Variants in SCAPER observed in about 807,000 individuals in gnomAD.
SCAPER encodes S phase cyclin A-associated protein in the endoplasmic reticulum.
Under a neutral mutation model 182.2 loss-of-function variants are expected in SCAPER, and 98 were observed. That is an observed-to-expected ratio of 0.54 (90% CI 0.46 to 0.64). The LOEUF (loss-of-function observed/expected upper bound fraction) is 0.64, where lower values mean the gene tolerates loss of function less well. Among genes scored for constraint, SCAPER ranks in the 30% least tolerant of loss-of-function variants. The pLI is 0.00. For synonymous variants in SCAPER, 605 were observed against 564.6 expected (o/e 1.07, Z -1.01); for missense variants, 1,432 against 1,690.0 (o/e 0.85, Z 2.68).
At position 76,348,529 on chromosome 15, in the gene SCAPER, A is replaced by G; in HGVS notation, c.*104T>C. On this transcript the variant is annotated 3_prime_UTR_variant, in exon 32 of 32. Coordinates refer to ENST00000563290, the MANE Select transcript of SCAPER (RefSeq NM_020843.4). ...CATGCCATATCTACAGTGTGGGAAGAGTATAAACATGGGAAAATGAGTTCT... is the reference window on the plus strand; with the variant it reads ...CATGCCATATCTACAGTGTGGGAAGGGTATAAACATGGGAAAATGAGTTCT... The G allele has an allele frequency of 1.4e-6, 1 of 696,786 alleles. No homozygotes were observed. The highest frequency in any genetic ancestry group is 2.4e-6 in the Non-Finnish European group (1 of 418,906). 43.2% of individuals were successfully genotyped at this position (696,786 alleles called of 1,614,324 possible). A position where few individuals can be genotyped will look rare whatever the true frequency, so the allele number is the denominator to read the frequency against.
chr15:76,351,110 T>C (rs2040514112), intron 31 of SCAPER, 127 bp downstream of exon 31: 1 of 724,804 alleles, frequency 1.4e-6, no homozygotes, highest in Non-Finnish European at 2.1e-6. Context: ...ACTTGGTATC[T>C]GAATCTCAAA....
At position 76,499,149 on chromosome 15, in the gene SCAPER, C is replaced by T. The variant is rs556345529; in HGVS notation, c.2954+5710G>A. On this transcript the variant is annotated intron_variant, in intron 24 of 31. Coordinates refer to ENST00000563290, the MANE Select transcript of SCAPER (RefSeq NM_020843.4). ...TTTGAGTAAGCAACAGTCACAGATACATGACATTCAAAAACTCATGGAAGT... is the reference window on the plus strand; with the variant it reads ...TTTGAGTAAGCAACAGTCACAGATATATGACATTCAAAAACTCATGGAAGT... Among the ~76,000 whole-genome samples the T allele has an allele frequency of 2.6e-5, 4 of 152,236 alleles. No individual in the cohort carries two copies. In the South Asian group the frequency reaches 6.2e-4, roughly 24 times the overall value.
At chr15:76,569,713 C>CT (rs765575378) in intron 23 of SCAPER, among the ~76,000 whole-genome samples, 11 of 151,804 alleles carry the variant, frequency 7.2e-5, no homozygotes, top group Admixed American at 1.3e-4. Context: ...TTATACTCTT[C>CT]TTTTCATTTT....
Position 76,648,517 on chromosome 15 carries a change from C to G in SCAPER, c.2645+17136G>C, listed in dbSNP as rs184917176. Among the ~76,000 whole-genome samples the G allele has an allele frequency of 9.1e-4, 139 of 152,262 alleles. 1 individual carries two copies. Among genetic ancestry groups the G allele is most frequent in the South Asian group, 3.9e-3 (19 of 4,830 alleles). ...AAATTTGGGGTAAAATATAAACTCA[C>G]AGATTCAAAAAGCTAAATGAATATC... On this transcript the variant is annotated intron_variant, in intron 21 of 31. Coordinates refer to ENST00000563290, the MANE Select transcript of SCAPER (RefSeq NM_020843.4).
intron 1 of SCAPER, among the ~76,000 whole-genome samples, chr15:76,899,040 A>G (rs773299228): frequency 4.6e-5 from 7 of 152,252 alleles, no homozygotes; most frequent in Non-Finnish European, 1.0e-4. Flanking sequence ...AGTACCACCT[A>G]TAAAATAATT....
At chr15:76,866,242 A>AGT (rs375451190) in intron 2 of SCAPER, among the ~76,000 whole-genome samples, 9,170 of 150,788 alleles carry the variant, frequency 0.061, 320 homozygotes, top group Middle Eastern at 0.11. Context: ...AGAGACACTG[A>AGT]GTGTGTGTGT....
intron 29 of SCAPER, among the ~76,000 whole-genome samples, chr15:76,365,472 C>T (rs989322116): frequency 6.6e-6 from 1 of 152,158 alleles, no homozygotes; most frequent in African/African-American, 2.4e-5. Context: ...GAAAATTGGG[C>T]TAGATTTTCT....
intron 25 of SCAPER, among the ~76,000 whole-genome samples, chr15:76,469,911 AAT>A (rs2050001405): frequency 7.0e-6 from 1 of 142,852 alleles, no homozygotes; most frequent in Admixed American, 7.3e-5. Context: ...TTTTTGCTAA[AAT>A]ATCTTACTCA....
At chr15:76,606,588 G>T (rs1322355084) in intron 22 of SCAPER, among the ~76,000 whole-genome samples, 1 of 151,652 alleles carries the variant, frequency 6.6e-6, no homozygotes, top group African/African-American at 2.4e-5. Flanking sequence ...TTTCTGTCTT[G>T]TTGATCTGTC....
At chr15:76,825,948 T>G (rs1373507961) in intron 5 of SCAPER, among the ~76,000 whole-genome samples, 2 of 152,170 alleles carry the variant, frequency 1.3e-5, no homozygotes, top group Non-Finnish European at 2.9e-5. Context: ...TTTCACCATA[T>G]TGGTCAGGCT....
chr15:76,612,518 G>A (rs1354959981), intron 22 of SCAPER, among the ~76,000 whole-genome samples: 1 of 152,138 alleles, frequency 6.6e-6, no homozygotes, highest in Non-Finnish European at 1.5e-5. Flanking sequence ...TTACAGGCAT[G>A]AGGCACTGTG....
In SCAPER at chr15:76,879,919, G is replaced by A. The variant is rs16968562; in HGVS notation, c.6+3893C>T. ...GTCTTCCATTAGACAGTAAGTTTCT[G>A]AAGGACTAGGTTTTGTTCACTATTC... On this transcript the variant is annotated intron_variant, in intron 2 of 31. Coordinates refer to ENST00000563290, the MANE Select transcript of SCAPER (RefSeq NM_020843.4). Among the ~76,000 whole-genome samples the A allele has an allele frequency of 3.5e-3, 528 of 152,262 alleles. 5 individuals are homozygous for A. The highest frequency in any genetic ancestry group is 0.012 in the African/African-American group (490 of 41,550).
In SCAPER at chr15:76,663,141, A is replaced by T. The variant is rs78422833; in HGVS notation, c.2645+2512T>A. On this transcript the variant is annotated intron_variant, in intron 21 of 31. Coordinates refer to ENST00000563290, the MANE Select transcript of SCAPER (RefSeq NM_020843.4). ...ATTTTTTTAAATTGGGACACTTCAT[A>T]AAGGAAAATACTGAACAGTTTTAGA... Among the ~76,000 whole-genome samples, 1,374 of 152,238 alleles carry T rather than the reference A, an allele frequency of 9.0e-3. 22 individuals carry two copies. Among genetic ancestry groups the T allele is most frequent in the African/African-American group, 0.032 (1,334 of 41,554 alleles).
chr15:76,825,789 G>T (rs2067959780), intron 5 of SCAPER, among the ~76,000 whole-genome samples: 1 of 152,128 alleles, frequency 6.6e-6, no homozygotes, highest in African/African-American at 2.4e-5. Context: ...CTGTTGCCCA[G>T]GCTGGAGTAC....
chr15:76,871,666 GGGTTCAAGCAATTCTCCA>G (rs1211842923), intron 2 of SCAPER, among the ~76,000 whole-genome samples: 1 of 149,876 alleles, frequency 6.7e-6, no homozygotes, highest in African/African-American at 2.5e-5. Context: ...TCTGCCTCCT[GGGTTCAAGCAATTCTCCA>G]GGTTCAAGCA....
Position 76,590,580 on chromosome 15 carries a change from A to C in SCAPER, c.2712-16296T>G, listed in dbSNP as rs572897545. ...GCAGAAAAAAGGGAATGCCTATATA[A>C]TGTTGGTGGGAATGTAAATTAGCAC... On this transcript the variant is annotated intron_variant, in intron 22 of 31. Transcript: ENST00000563290. Among the ~76,000 whole-genome samples the C allele has an allele frequency of 1.9e-4, 29 of 152,330 alleles. No individual in the cohort carries two copies. In the South Asian group the frequency reaches 4.8e-3, roughly 25 times the overall value.
chr15:76,415,893 A>T (rs1051672365), intron 26 of SCAPER, among the ~76,000 whole-genome samples: 1 of 152,176 alleles, frequency 6.6e-6, no homozygotes, highest in Admixed American at 6.5e-5. Flanking sequence ...TCAGTTAACA[A>T]TTGTTGGTAC....
At chr15:76,795,103 C>A (rs923867472) in intron 8 of SCAPER, 177 bp downstream of exon 8, 20 of 521,014 alleles carry the variant, frequency 3.8e-5, no homozygotes, top group Non-Finnish European at 6.4e-5. Context: ...CATAAGCTAT[C>A]TACAGTGCTG....
At chr15:76,732,082 C>A (rs899961845) in intron 16 of SCAPER, among the ~76,000 whole-genome samples, 1 of 152,106 alleles carries the variant, frequency 6.6e-6, no homozygotes, top group South Asian at 2.1e-4. Context: ...AAAGAGAACA[C>A]ACTATCTTTT....
Sources: allele counts gnomAD v4.1 joint callset (sites outside exome capture counted in the v4.1 genomes callset), GRCh38; gene constraint gnomAD v4.1.1; transcripts MANE v1.5; gene names NCBI Gene and HGNC (gene_info 2026-07-23, HGNC 2026-07-21).